The following ANKS1B variants were observed in gnomAD, a reference collection of about 807,000 sequenced individuals.
ANKS1B encodes the protein ankyrin repeat and sterile alpha motif domain-containing protein 1B.
Under a neutral mutation model 148.3 loss-of-function variants are expected in ANKS1B, and 36 were observed. The ratio of observed to expected loss-of-function variants is 0.24; its 90% CI spans 0.19 to 0.32. ANKS1B has a LOEUF of 0.32. Among genes scored for constraint, ANKS1B ranks in the 10% least tolerant of loss-of-function variants. The pLI, the probability that ANKS1B is intolerant of heterozygous loss-of-function variation, is 1.00. For missense variants in ANKS1B, 1,157 were observed against 1,542.6 expected (o/e 0.75, Z 4.19); for synonymous variants, 542 against 560.8 (o/e 0.97, Z 0.47).
At chr12:99,403,557 T>G (rs865996452) in intron 11 of ANKS1B, among the ~76,000 whole-genome samples, 1 of 145,142 alleles carries the variant, frequency 6.9e-6, no homozygotes, top group African/African-American at 2.6e-5. Flanking sequence ...GTGAATAGTT[T>G]GCAAAAATTT....
rs145703475 is a variant in ANKS1B, at chr12:99,942,114, A to T, written c.134+41990T>A. ...GGGTGAAACATGTAGAACCTTGGAG[A>T]TGATCCATATTTAACGAGATGAGAG... On this transcript the variant is annotated intron_variant, in intron 1 of 26. Transcript: ENST00000683438. 2.8e-3 allele frequency among the ~76,000 whole-genome samples: 426 copies of T among 152,284 alleles called. 4 individuals are homozygous for T. The highest frequency in any genetic ancestry group is 0.028 in the South Asian group (135 of 4,830).
intron 10 of ANKS1B, among the ~76,000 whole-genome samples, chr12:99,494,921 C>T (rs1421438811): frequency 6.6e-6 from 1 of 151,936 alleles, no homozygotes; most frequent in Non-Finnish European, 1.5e-5. Flanking sequence ...AGGGCAGTTG[C>T]ATTTAATCAC....
chr12:99,794,678 T>C (rs536437404), intron 4 of ANKS1B, among the ~76,000 whole-genome samples: 2 of 151,418 alleles, frequency 1.3e-5, no homozygotes, highest in African/African-American at 4.8e-5. Context: ...TAAAGAAGGG[T>C]GGTTACCAGA....
chr12:99,510,511 G>C (rs1451971757), intron 9 of ANKS1B, among the ~76,000 whole-genome samples: 2 of 151,954 alleles, frequency 1.3e-5, no homozygotes, highest in African/African-American at 4.8e-5. Flanking sequence ...AATAGCAAGA[G>C]AACTGGAAGT....
intron 8 of ANKS1B, among the ~76,000 whole-genome samples, chr12:99,670,892 G>A (rs2098534848): frequency 6.6e-6 from 1 of 152,080 alleles, no homozygotes; most frequent in African/African-American, 2.4e-5. Context: ...GCATGGTGGG[G>A]AGATGGTACA....
intron 25 of ANKS1B, 54 bp downstream of exon 25, chr12:98,772,988 G>C: frequency 1.2e-6 from 2 of 1,605,712 alleles, no homozygotes; most frequent in Non-Finnish European, 8.5e-7. Flanking sequence ...TTTCAATACA[G>C]TCCAGGCCCA....
intron 14 of ANKS1B, among the ~76,000 whole-genome samples, chr12:99,219,158 G>T (rs115197680): frequency 6.6e-6 from 1 of 152,204 alleles, no homozygotes; most frequent in African/African-American, 2.4e-5. Context: ...GTTCCGCCCA[G>T]CTTGACTAAA....
At chr12:99,573,314 AAATTG>A (rs1451463217) in intron 9 of ANKS1B, among the ~76,000 whole-genome samples, 1 of 152,120 alleles carries the variant, frequency 6.6e-6, no homozygotes, top group Non-Finnish European at 1.5e-5. Context: ...TCCACTTATT[AAATTG>A]CTGTACTCTC....
At chr12:99,532,051 T>C in intron 9 of ANKS1B, among the ~76,000 whole-genome samples, 1 of 152,176 alleles carries the variant, frequency 6.6e-6, no homozygotes, top group Non-Finnish European at 1.5e-5. Flanking sequence ...TTGTTTTTTT[T>C]TTTCTTGCTG....
intron 12 of ANKS1B, among the ~76,000 whole-genome samples, chr12:99,252,400 C>T (rs1239438329): frequency 2.0e-5 from 3 of 152,054 alleles, no homozygotes; most frequent in Non-Finnish European, 4.4e-5. Context: ...AAATTATTCA[C>T]CTCAATTCTC....
intron 17 of ANKS1B, among the ~76,000 whole-genome samples, chr12:98,864,521 TG>T (rs1204677981): frequency 6.6e-6 from 1 of 152,102 alleles, no homozygotes; most frequent in African/African-American, 2.4e-5. Flanking sequence ...CTTCCTAATG[TG>T]GGTGGGCCTC....
intron 9 of ANKS1B, among the ~76,000 whole-genome samples, chr12:99,541,729 C>G (rs1212475506): frequency 3.3e-5 from 5 of 152,010 alleles, no homozygotes; most frequent in Admixed American, 3.3e-4. Flanking sequence ...GTGGCAGACA[C>G]CTGTAATCAC....
chr12:98,985,440 CTTCTT>C (rs1166405758), intron 17 of ANKS1B, among the ~76,000 whole-genome samples: 2 of 151,966 alleles, frequency 1.3e-5, no homozygotes, highest in African/African-American at 4.8e-5. Context: ...TTTATTTTCT[CTTCTT>C]TTCCTTATTC....
At chr12:99,287,355 GC>G in intron 12 of ANKS1B, among the ~76,000 whole-genome samples, 1 of 152,280 alleles carries the variant, frequency 6.6e-6, no homozygotes, top group South Asian at 2.1e-4. Context: ...AGCATGGAGT[GC>G]CCCCTAATGC....
chr12:98,753,679 G>A (rs867591532), intron 25 of ANKS1B, among the ~76,000 whole-genome samples: 1 of 152,122 alleles, frequency 6.6e-6, no homozygotes, highest in South Asian at 2.1e-4. Context: ...CACCCACCTC[G>A]GCCTCCAAAG....
chr12:99,615,056 A>G (rs565230022), intron 9 of ANKS1B, among the ~76,000 whole-genome samples: 4 of 152,332 alleles, frequency 2.6e-5, no homozygotes, highest in Admixed American at 2.0e-4. Context: ...GTATCATGAA[A>G]ATAGTGTTTA....
chr12:99,226,827 T>C (rs1408632066), intron 14 of ANKS1B, among the ~76,000 whole-genome samples: 1 of 152,188 alleles, frequency 6.6e-6, no homozygotes, highest in Non-Finnish European at 1.5e-5. Context: ...TACATCAACC[T>C]GGAGAATGTT....
chr12:99,024,565 C>T (rs2099947657), intron 17 of ANKS1B, among the ~76,000 whole-genome samples: 1 of 152,126 alleles, frequency 6.6e-6, no homozygotes, highest in African/African-American at 2.4e-5. Context: ...GCCTTATCCT[C>T]TTATATTTTG....
chr12:99,879,110 T>C (rs2092322347), intron 1 of ANKS1B, among the ~76,000 whole-genome samples: 1 of 152,208 alleles, frequency 6.6e-6, no homozygotes, highest in Admixed American at 6.5e-5. Context: ...TAGTAAGCTT[T>C]ACTAAAGGAC....
Sources: allele counts gnomAD v4.1 joint callset (sites outside exome capture counted in the v4.1 genomes callset), GRCh38; gene constraint gnomAD v4.1.1; transcripts MANE v1.5; gene names NCBI Gene and HGNC (gene_info 2026-07-23, HGNC 2026-07-21).